INTS6L: variants seen among roughly 807,000 people sequenced by gnomAD.
INTS6L encodes integrator complex subunit 6 like.
In INTS6L, 18 loss-of-function variants were observed where a neutral mutation model predicts 64.7. That is an observed-to-expected ratio of 0.28 (90% CI 0.19 to 0.41). INTS6L has a LOEUF of 0.41. INTS6L is among the 10% of genes least tolerant of loss of function. The probability of loss-of-function intolerance (pLI) is 1.00; values close to 1 mark genes in which losing one functional copy is unlikely to be tolerated. For missense variants in INTS6L, 533 were observed against 661.0 expected (o/e 0.81, Z 2.12); for synonymous variants, 227 against 235.9 (o/e 0.96, Z 0.34).
chrX:135,523,402 C>CAAA (rs782434658), intron 2 of INTS6L, among the ~76,000 whole-genome samples: 1,609 of 35,050 alleles, frequency 0.046, 76 homozygotes, highest in Middle Eastern at 0.1. Flanking sequence ...ACTCTGTCGT[C>CAAA]AAAAAAAAAA....
At chrX:135,531,847 C>T (rs1487288064) in intron 2 of INTS6L, among the ~76,000 whole-genome samples, 1 of 111,679 alleles carries the variant, frequency 9.0e-6, no homozygotes, top group Admixed American at 9.5e-5. Context: ...TTCCTGATGC[C>T]AGCCCTTAGA....
At chrX:135,534,061 G>C (rs1436471173) in intron 2 of INTS6L, among the ~76,000 whole-genome samples, 5 of 110,866 alleles carry the variant, frequency 4.5e-5, no homozygotes, top group African/African-American at 9.9e-5. Flanking sequence ...ACTGGTGAAG[G>C]TCAGATTTCT....
Position 135,579,900 on chromosome X carries a change from T to A in INTS6L, c.2232T>A (p.Asp744Glu), listed in dbSNP as rs781792798. 2 of 1,211,713 alleles carry A rather than the reference T, an allele frequency of 1.7e-6. No homozygotes were observed. The highest frequency in any genetic ancestry group is 5.9e-5 in the East Asian group (2 of 33,833). Residue 744 changes from aspartate to glutamate, a missense_variant, in exon 16 of 18, where the codon GAT (aspartate) becomes GAA (glutamate). Physicochemically the swap from Asp to Glu is conservative, Grantham distance 45. Transcript: ENST00000639893. ...CAGAGCTTATAAATATGACAGGAGA[T>A]CTTATGCCACCCAACCAAGTGGATT... ...APSELINMTG[D>E]LMPPNQVDSL... is the part of the protein sequence containing the mutation.
intron 2 of INTS6L, among the ~76,000 whole-genome samples, chrX:135,543,315 G>T (rs954999022): frequency 5.4e-5 from 6 of 111,721 alleles, no homozygotes; most frequent in African/African-American, 1.6e-4. Flanking sequence ...AATCAGCCTT[G>T]CCTCCTGCCA....
At chrX:135,568,051 CAAAAT>C (rs1556525675) in intron 9 of INTS6L, among the ~76,000 whole-genome samples, 1 of 110,806 alleles carries the variant, frequency 9.0e-6, no homozygotes, top group Admixed American at 9.6e-5. Context: ...CCTTAAGACA[CAAAAT>C]AAAGGATGAA....
intron 14 of INTS6L, among the ~76,000 whole-genome samples, chrX:135,576,327 C>CAAAA (rs34207940): frequency 1.9e-4 from 13 of 69,321 alleles, no homozygotes; most frequent in Middle Eastern, 8.3e-3. Flanking sequence ...GACTCCATCT[C>CAAAA]AAAAAAAAAA....
intron 2 of INTS6L, 25 bp downstream of exon 2, chrX:135,521,343 C>T (rs1556496694): frequency 1.4e-5 from 17 of 1,178,904 alleles, no homozygotes; most frequent in Admixed American, 2.4e-5. Context: ...GGTGGGGGGA[C>T]AGGCGGGAAG....
chrX:135,560,050 CAGAT>C (rs1250478814), intron 9 of INTS6L, among the ~76,000 whole-genome samples: 2 of 112,186 alleles, frequency 1.8e-5, no homozygotes, highest in African/African-American at 3.2e-5. Context: ...AGCCCTCTGA[CAGAT>C]AGGTGACTTG....
intron 2 of INTS6L, among the ~76,000 whole-genome samples, chrX:135,521,887 T>C (rs2085583802): frequency 9.5e-6 from 1 of 105,624 alleles, no homozygotes; most frequent in Admixed American, 1.0e-4. Flanking sequence ...CTCCTTGGGC[T>C]CTTCGCTGCA....
chrX:135,575,315 G>T (rs2087194672), intron 14 of INTS6L, 89 bp downstream of exon 14: 4 of 1,047,139 alleles, frequency 3.8e-6, no homozygotes, highest in Non-Finnish European at 5.1e-6. Flanking sequence ...CAAATCAGAG[G>T]TTCTTCATTT....
At chrX:135,543,024 C>T (rs923538698) in intron 2 of INTS6L, among the ~76,000 whole-genome samples, 1 of 111,392 alleles carries the variant, frequency 9.0e-6, no homozygotes, top group African/African-American at 3.3e-5. Context: ...CCTTAATCTG[C>T]AACCTCCTCT....
intron 9 of INTS6L, among the ~76,000 whole-genome samples, chrX:135,557,581 A>G (rs1556519965): frequency 1.8e-5 from 2 of 112,054 alleles, no homozygotes; most frequent in Non-Finnish European, 3.8e-5. Context: ...TGACCTTTTA[A>G]GTACACAATA....
At chrX:135,539,764 A>G (rs2086154747) in intron 2 of INTS6L, among the ~76,000 whole-genome samples, 1 of 111,527 alleles carries the variant, frequency 9.0e-6, no homozygotes, top group African/African-American at 3.3e-5. Context: ...CCTGATTTCA[A>G]TATTGTTGTG....
intron 6 of INTS6L, among the ~76,000 whole-genome samples, chrX:135,549,155 G>C (rs994740290): frequency 1.8e-5 from 2 of 111,888 alleles, no homozygotes; most frequent in African/African-American, 3.2e-5. Flanking sequence ...TAATTGTTTG[G>C]CAAAGAACAC....
intron 2 of INTS6L, among the ~76,000 whole-genome samples, chrX:135,543,692 C>T (rs1394179966): frequency 1.8e-5 from 2 of 112,255 alleles, no homozygotes; most frequent in Non-Finnish European, 3.8e-5. Flanking sequence ...CCCAAATGTA[C>T]ACCTTTCTCT....
chrX:135,570,169 T>C, intron 10 of INTS6L: 1 of 224,566 alleles, frequency 4.5e-6, no homozygotes, highest in Non-Finnish European at 8.0e-6. Flanking sequence ...GATTTGATGA[T>C]TTGGGAAATA....
intron 9 of INTS6L, among the ~76,000 whole-genome samples, chrX:135,565,288 T>G (rs1175851878): frequency 8.9e-6 from 1 of 112,109 alleles, no homozygotes; most frequent in Non-Finnish European, 1.9e-5. Context: ...CATCCTCTCA[T>G]CTTTGCCTTT....
intron 9 of INTS6L, among the ~76,000 whole-genome samples, chrX:135,561,012 G>C (rs1161332317): frequency 3.1e-5 from 3 of 96,416 alleles, no homozygotes; most frequent in African/African-American, 1.1e-4. Context: ...GAGTGCAGTG[G>C]CACAATCTCA....
chrX:135,556,875 A>T (rs1456604589), intron 9 of INTS6L, among the ~76,000 whole-genome samples: 1 of 112,029 alleles, frequency 8.9e-6, no homozygotes, highest in Non-Finnish European at 1.9e-5. Flanking sequence ...TGTTTAGAGT[A>T]ATGTAGTACT....
Sources: gnomAD v4.1 joint callset for allele counts (sites outside exome capture counted in the v4.1 genomes callset) on GRCh38, gnomAD v4.1.1 for gene constraint, MANE v1.5 for transcripts, NCBI Gene and HGNC (gene_info 2026-07-23, HGNC 2026-07-21) for gene names.